HS3ST3A1: variants seen among roughly 807,000 people sequenced by gnomAD.
HS3ST3A1 encodes the protein heparan sulfate-glucosamine 3-sulfotransferase 3A1, also known as heparan sulfate glucosamine 3-O-sulfotransferase 3A1.
Under a neutral mutation model 25.7 loss-of-function variants are expected in HS3ST3A1, and 19 were observed. The observed-to-expected ratio is 0.74, with a 90% CI of 0.52 to 1.08. The LOEUF (loss-of-function observed/expected upper bound fraction) is 1.08. Among genes scored for constraint, HS3ST3A1 ranks in the 50% least tolerant of loss-of-function variants. HS3ST3A1 has a pLI of 0.00. For missense variants in HS3ST3A1, 459 were observed against 594.3 expected, an observed-to-expected ratio of 0.77 and a Z score of 2.37; for synonymous variants, 226 against 278.6, an observed-to-expected ratio of 0.81 and a Z score of 1.88.
Position 13,600,787 on chromosome 17 carries a change from C to T in HS3ST3A1, c.343G>A (p.Glu115Lys). ...RDDGEEAAWE[E>K]ESPGLSGGPG... is the part of the protein sequence containing the mutation. ...CCCCCTGACAGGCCAGGGGACTCTT[C>T]TTCCCAGGCCGCCTCCTCGCCGTCG... Residue 115 changes from glutamate to lysine, a missense_variant, in exon 1 of 2, where the codon GAA (glutamate) becomes AAA (lysine). Coordinates refer to ENST00000284110, the MANE Select transcript of HS3ST3A1 (RefSeq NM_006042.3). 7.0e-7 allele frequency: 1 copy of T among 1,437,150 alleles called. No individual in the cohort carries two copies. The highest frequency in any genetic ancestry group is 9.0e-7 in the Non-Finnish European group (1 of 1,108,486). The allele number at this position is 1,437,150 out of a possible 1,614,324, so 89.0% of individuals were successfully genotyped here.
intron 1 of HS3ST3A1, among the ~76,000 whole-genome samples, chr17:13,520,872 A>G (rs1218385277): frequency 6.6e-6 from 1 of 152,134 alleles, no homozygotes; most frequent in Non-Finnish European, 1.5e-5. Flanking sequence ...TCGACCTCCC[A>G]AAGTGGTGGG....
At chr17:13,545,070 G>C (rs543395456) in intron 1 of HS3ST3A1, among the ~76,000 whole-genome samples, 1 of 152,284 alleles carries the variant, frequency 6.6e-6, no homozygotes, top group South Asian at 2.1e-4. Flanking sequence ...GAAATAATCA[G>C]TTTGGTAGTA....
intron 1 of HS3ST3A1, among the ~76,000 whole-genome samples, chr17:13,538,348 C>T (rs1443568659): frequency 6.6e-6 from 1 of 152,224 alleles, no homozygotes; most frequent in Non-Finnish European, 1.5e-5. Context: ...CAGAAGTGAT[C>T]TGACCATTTT....
chr17:13,547,805 TGGGGC>T (rs1907127934), intron 1 of HS3ST3A1, among the ~76,000 whole-genome samples: 1 of 152,108 alleles, frequency 6.6e-6, no homozygotes, highest in Non-Finnish European at 1.5e-5. Context: ...GCATCTGATA[TGGGGC>T]AGCCTTGTGG....
At chr17:13,592,988 G>A (rs1246580005) in intron 1 of HS3ST3A1, among the ~76,000 whole-genome samples, 3 of 152,114 alleles carry the variant, frequency 2.0e-5, no homozygotes, top group Non-Finnish European at 4.4e-5. Flanking sequence ...CTCTCTTCCT[G>A]CCTCTTCCTT....
intron 1 of HS3ST3A1, among the ~76,000 whole-genome samples, chr17:13,543,974 T>G (rs1598421347): frequency 2.0e-5 from 3 of 152,304 alleles, no homozygotes; most frequent in Admixed American, 2.0e-4. Flanking sequence ...TCTCTTCATC[T>G]CAGTTTCCAA....
intron 1 of HS3ST3A1, among the ~76,000 whole-genome samples, chr17:13,593,130 T>C (rs149270927): frequency 6.1e-4 from 93 of 151,986 alleles, no homozygotes; most frequent in African/African-American, 2.1e-3. Flanking sequence ...ATTGGGACCG[T>C]GTTGTCATCT....
At chr17:13,537,279 C>G (rs1288277305) in intron 1 of HS3ST3A1, among the ~76,000 whole-genome samples, 1 of 152,210 alleles carries the variant, frequency 6.6e-6, no homozygotes, top group Non-Finnish European at 1.5e-5. Context: ...ACTTCATTCA[C>G]TCCAGCTGCA....
intron 1 of HS3ST3A1, among the ~76,000 whole-genome samples, chr17:13,545,892 G>A (rs891145850): frequency 6.6e-6 from 1 of 152,060 alleles, no homozygotes; most frequent in Admixed American, 6.6e-5. Flanking sequence ...CAGGAGAATC[G>A]CTTGAACCCA....
At chr17:13,522,623 A>G (rs1180166456) in intron 1 of HS3ST3A1, among the ~76,000 whole-genome samples, 1 of 152,182 alleles carries the variant, frequency 6.6e-6, no homozygotes, top group African/African-American at 2.4e-5. Context: ...TTATTAAGCA[A>G]TGTGTATTTA....
At chr17:13,548,369 T>C (rs1358158556) in intron 1 of HS3ST3A1, among the ~76,000 whole-genome samples, 2 of 152,140 alleles carry the variant, frequency 1.3e-5, no homozygotes, top group African/African-American at 4.8e-5. Context: ...CGTCATAGCA[T>C]CTCTACTCTC....
chr17:13,531,351 T>A (rs975792221), intron 1 of HS3ST3A1, among the ~76,000 whole-genome samples: 2 of 152,172 alleles, frequency 1.3e-5, no homozygotes, highest in African/African-American at 4.8e-5. Flanking sequence ...TTCCCTTTCA[T>A]CAGAACAGGA....
intron 1 of HS3ST3A1, among the ~76,000 whole-genome samples, chr17:13,523,484 A>T (rs1906313300): frequency 6.6e-6 from 1 of 152,218 alleles, no homozygotes; most frequent in East Asian, 1.9e-4. Context: ...TGTACCTGTG[A>T]TCTATGGTGT....
chr17:13,592,121 C>G (rs901886990), intron 1 of HS3ST3A1, among the ~76,000 whole-genome samples: 1 of 152,168 alleles, frequency 6.6e-6, no homozygotes, highest in African/African-American at 2.4e-5. Context: ...TGCCAGAGAC[C>G]ATCACAGAGA....
At chr17:13,563,938 A>C (rs1297776108) in intron 1 of HS3ST3A1, among the ~76,000 whole-genome samples, 1 of 152,226 alleles carries the variant, frequency 6.6e-6, no homozygotes, top group Non-Finnish European at 1.5e-5. Flanking sequence ...ATTATCAAGA[A>C]AAATTAATTT....
chr17:13,548,311 G>A (rs1208621984), intron 1 of HS3ST3A1, among the ~76,000 whole-genome samples: 1 of 152,114 alleles, frequency 6.6e-6, no homozygotes, highest in Non-Finnish European at 1.5e-5. Context: ...CTCACATGGA[G>A]GAGTCAGAGA....
At chr17:13,547,052 T>C (rs1194017111) in intron 1 of HS3ST3A1, among the ~76,000 whole-genome samples, 1 of 152,224 alleles carries the variant, frequency 6.6e-6, no homozygotes, top group East Asian at 1.9e-4. Flanking sequence ...TTAGATTTAA[T>C]GATTACCAAA....
chr17:13,499,082 A>G (rs1214269462), intron 1 of HS3ST3A1, among the ~76,000 whole-genome samples: 2 of 151,990 alleles, frequency 1.3e-5, no homozygotes, highest in East Asian at 3.9e-4. Context: ...AATAATTCTT[A>G]ATGGACCTCA....
At chr17:13,501,619 T>C (rs759163872) in intron 1 of HS3ST3A1, among the ~76,000 whole-genome samples, 24 of 152,212 alleles carry the variant, frequency 1.6e-4, no homozygotes, top group Non-Finnish European at 3.1e-4. Context: ...CACTAGATAG[T>C]AATTTAGCAT....
Sources: gnomAD v4.1 joint callset for allele counts (sites outside exome capture counted in the v4.1 genomes callset) on GRCh38, gnomAD v4.1.1 for gene constraint, MANE v1.5 for transcripts, NCBI Gene and HGNC (gene_info 2026-07-23, HGNC 2026-07-21) for gene names.